The following SMAP2 variants were observed in gnomAD, a reference collection of about 807,000 sequenced individuals.
The protein encoded by SMAP2 is small ArfGAP2, also known as stromal membrane-associated protein 2.
SMAP2 carries 25 observed loss-of-function variants against 56.4 expected under a neutral mutation model. That is an observed-to-expected ratio of 0.44 (90% CI 0.32 to 0.62). The LOEUF (loss-of-function observed/expected upper bound fraction) is 0.62, where lower values mean the gene tolerates loss of function less well. Among genes scored for constraint, SMAP2 ranks in the 20% least tolerant of loss-of-function variants. The probability of loss-of-function intolerance (pLI) is 0.04; values close to 1 mark genes in which losing one functional copy is unlikely to be tolerated. For missense variants in SMAP2, 388 were observed against 545.6 expected (o/e 0.71, Z 2.88); for synonymous variants, 157 against 181.7 (o/e 0.86, Z 1.09).
At chr1:40,408,000 G>A (rs1481968401) in intron 2 of SMAP2, among the ~76,000 whole-genome samples, 4 of 151,532 alleles carry the variant, frequency 2.6e-5, no homozygotes, top group South Asian at 2.1e-4. Context: ...GAAGCCCCCC[G>A]CCCCCCAAAT....
rs1045031014 is a variant in SMAP2 at position 40,374,850 on chromosome 1, G to A, written c.103+627G>A. ...CTGCCTTATGCAGTGACACAGTGCG[G>A]ATTTCTAGGCAGTGTAGCCCTGGCT... On this transcript the variant is annotated intron_variant, in intron 1 of 9. Coordinates refer to ENST00000372718, the MANE Select transcript of SMAP2 (RefSeq NM_022733.3). This position sits in a 1 kb window ranked among gnomAD's most constrained non-coding sequence, Gnocchi z 5.9. 6.5e-7 allele frequency: 1 copy of A among 1,533,914 alleles called. No homozygotes were observed. Among genetic ancestry groups the A allele is most frequent in the African/African-American group, 1.4e-5 (1 of 72,806 alleles).
chr1:40,378,071 T>A (rs1238578230), intron 1 of SMAP2, among the ~76,000 whole-genome samples: 3 of 152,204 alleles, frequency 2.0e-5, no homozygotes, highest in Non-Finnish European at 4.4e-5. Context: ...AGGAAAAAAG[T>A]CTGCACATGT....
chr1:40,406,707 C>T (rs929742671), intron 1 of SMAP2, 29 bp from the exon 2 acceptor site: 2 of 1,581,226 alleles, frequency 1.3e-6, no homozygotes, highest in African/African-American at 2.7e-5. Flanking sequence ...GTAATTTGTA[C>T]TTTATTGCCC....
intron 1 of SMAP2, among the ~76,000 whole-genome samples, chr1:40,397,735 C>T (rs1379674706): frequency 3.9e-5 from 6 of 151,980 alleles, no homozygotes; most frequent in Admixed American, 2.0e-4. Flanking sequence ...GTAAGCAACT[C>T]GAACAAGATA....
chr1:40,422,193 C>T lies in SMAP2; in HGVS notation c.*92C>T. On this transcript the variant is annotated 3_prime_UTR_variant, in exon 10 of 10. Coordinates refer to ENST00000372718, the MANE Select transcript of SMAP2 (RefSeq NM_022733.3). ...CCTGACCCCCATCCTCTTTTCCTAC[C>T]TCTCTGTTTGGTTTAGAAATTGCTC... 1.3e-6 allele frequency: 2 copies of T among 1,523,970 alleles called. No homozygotes were observed. The highest frequency in any genetic ancestry group is 1.8e-6 in the Non-Finnish European group (2 of 1,129,602). The allele number at this position is 1,523,970 out of a possible 1,614,324, so 94.4% of individuals were successfully genotyped here.
upstream of SMAP2, among the ~76,000 whole-genome samples, chr1:40,371,795 G>T (rs1281069958): frequency 6.6e-6 from 1 of 152,110 alleles, no homozygotes; most frequent in Non-Finnish European, 1.5e-5. Context: ...TCTACCAAGG[G>T]CTGTTCTAAT....
intron 1 of SMAP2, among the ~76,000 whole-genome samples, chr1:40,382,081 T>C (rs563036153): frequency 2.2e-4 from 33 of 152,312 alleles, no homozygotes; most frequent in Admixed American, 4.6e-4. Flanking sequence ...ATATATACTT[T>C]TCAGCAAATC....
At chr1:40,356,404 TG>T (rs1557822023) in intron 1 of SMAP2, among the ~76,000 whole-genome samples, 2 of 148,774 alleles carry the variant, frequency 1.3e-5, no homozygotes, top group Non-Finnish European at 3.0e-5. Flanking sequence ...GTGGGTTTTT[TG>T]TTTTTTTTTG....
At chr1:40,372,019 A>G (rs987518567), upstream of SMAP2, among the ~76,000 whole-genome samples, 4 of 152,242 alleles carry the variant, frequency 2.6e-5, no homozygotes, top group African/African-American at 9.6e-5. Flanking sequence ...CCACAAAGCC[A>G]TGAGATCTCT....
Position 40,408,750 on chromosome 1 carries a change from G to C in SMAP2, c.323+12G>C. 1 of 1,609,780 alleles carries C rather than the reference G, an allele frequency of 6.2e-7. No individual in the cohort carries two copies. Among genetic ancestry groups the C allele is most frequent in the Non-Finnish European group, 8.5e-7 (1 of 1,176,182 alleles). ...CCTCAGATAGACCCGTATCTTTTCT[G>C]GAGCAACTTAGAAGGCTGAGTGGTA... On this transcript the variant is annotated intron_variant, in intron 3 of 9. Transcript: ENST00000372718. This position sits in a 1 kb window ranked among gnomAD's most constrained non-coding sequence, Gnocchi z 4.3.
chr1:40,355,863 GC>G (rs34660439), intron 1 of SMAP2, among the ~76,000 whole-genome samples: 28,367 of 151,804 alleles, frequency 0.19, 3,757 homozygotes, highest in African/African-American at 0.38. Context: ...ACCTGCCTCA[GC>G]CCCCCCAAAA....
chr1:40,419,913 C>G (rs151022282), intron 9 of SMAP2, among the ~76,000 whole-genome samples: 110 of 152,172 alleles, frequency 7.2e-4, no homozygotes, highest in Non-Finnish European at 8.8e-4. Flanking sequence ...TTTTGTTTCT[C>G]TGTGGTCCAG....
intron 1 of SMAP2, among the ~76,000 whole-genome samples, chr1:40,355,791 G>A (rs1644432726): frequency 6.6e-6 from 1 of 151,984 alleles, no homozygotes; most frequent in African/African-American, 2.4e-5. Context: ...TAAATTTTTT[G>A]TAGAGACGAG....
chr1:40,411,439 G>A (rs539253188), intron 4 of SMAP2, among the ~76,000 whole-genome samples: 4 of 152,306 alleles, frequency 2.6e-5, no homozygotes, highest in African/African-American at 9.6e-5. Context: ...GAGTAGAGTT[G>A]CTATTTGTAC....
chr1:40,354,795 G>A (rs868604095), intron 1 of SMAP2, among the ~76,000 whole-genome samples: 1 of 1,620 alleles, frequency 6.2e-4, no homozygotes, highest in Admixed American at 4.1e-3. Context: ...TTTTTTTTTT[G>A]AGACAGAGTC....
intron 1 of SMAP2, among the ~76,000 whole-genome samples, chr1:40,379,596 A>G (rs1569847937): frequency 9.0e-6 from 1 of 111,342 alleles, no homozygotes; most frequent in Non-Finnish European, 1.7e-5. Flanking sequence ...GAGTCTTGCT[A>G]TGTACAGTGG....
At chr1:40,395,018 C>G (rs774510529) in intron 1 of SMAP2, among the ~76,000 whole-genome samples, 66 of 152,192 alleles carry the variant, frequency 4.3e-4, no homozygotes, top group Non-Finnish European at 8.2e-4. Context: ...AGTGATGTCA[C>G]TCTTGGTGTA....
rs745817843 is a variant in SMAP2 at position 40,406,842 on chromosome 1, C to G, written c.210C>G (p.Leu70=). ...VHISRVKSVN[L]DQWTQEQIQC... ...TATCCAGGGTAAAGTCAGTTAACCTCGACCAGTGGACTCAAGAACAGATTC... is the reference window on the plus strand; with the variant it reads ...TATCCAGGGTAAAGTCAGTTAACCTGGACCAGTGGACTCAAGAACAGATTC... The change falls in exon 2 of 10, where the codon CTC becomes CTG. Residue 70 remains leucine, a synonymous_variant. Coordinates refer to ENST00000372718, the MANE Select transcript of SMAP2 (RefSeq NM_022733.3). The G allele has an allele frequency of 2.5e-6, 4 of 1,613,754 alleles. No individual in the cohort carries two copies. The highest frequency in any genetic ancestry group is 1.7e-5 in the Admixed American group (1 of 59,980).
chr1:40,397,081 C>T (rs984163461), intron 1 of SMAP2, among the ~76,000 whole-genome samples: 40 of 152,178 alleles, frequency 2.6e-4, no homozygotes, highest in African/African-American at 9.4e-4. Context: ...CTGGTATAGG[C>T]TCCATGAACC....
Sources: allele counts gnomAD v4.1 joint callset (sites outside exome capture counted in the v4.1 genomes callset), GRCh38; gene constraint gnomAD v4.1.1; non-coding constraint Gnocchi (gnomAD v3.1); transcripts MANE v1.5; gene names NCBI Gene and HGNC (gene_info 2026-07-23, HGNC 2026-07-21).